LRRC37A2: variants seen among roughly 807,000 people sequenced by gnomAD.
LRRC37A2 encodes leucine rich repeat containing 37 member A2.
A neutral mutation model predicts 68.8 loss-of-function variants in LRRC37A2; 9 were observed. That is an observed-to-expected ratio of 0.13 (90% CI 0.08 to 0.23). The LOEUF is 0.23. Ranked by LOEUF, LRRC37A2 falls within the 10% of genes least tolerant of loss-of-function variation. LRRC37A2 has a pLI of 1.00. For missense variants in LRRC37A2, 168 were observed against 950.4 expected (o/e 0.18, Z 10.82); for synonymous variants, 63 against 367.6 (o/e 0.17, Z 9.48).
the LRRC37A2 span, chr17:46,938,850 T>C: frequency 6.3e-7 from 1 of 1,597,356 alleles, no homozygotes; most frequent in East Asian, 2.2e-5. Flanking sequence ...AGGCCGCCTT[T>C]TGAAATGTTT....
the LRRC37A2 span, among the ~76,000 whole-genome samples, chr17:46,883,555 G>C: frequency 1.2e-3 from 183 of 152,330 alleles, no homozygotes; most frequent in African/African-American, 4.2e-3. Flanking sequence ...AAAGTGCTGG[G>C]ATTACAGGCG....
the LRRC37A2 span, among the ~76,000 whole-genome samples, chr17:46,685,356 CA>C: frequency 6.0e-5 from 9 of 150,998 alleles, no homozygotes; most frequent in Non-Finnish European, 8.9e-5. Context: ...ATACCTTTCT[CA>C]CATCCAGAAA....
At chr17:46,789,727 C>T in the LRRC37A2 span, among the ~76,000 whole-genome samples, 1 of 152,208 alleles carries the variant, frequency 6.6e-6, no homozygotes, top group African/African-American at 2.4e-5. Flanking sequence ...ACTTTGAGGC[C>T]ACAGTGCACT....
chr17:46,392,535 CT>C, the LRRC37A2 span, among the ~76,000 whole-genome samples: 1 of 39,788 alleles, frequency 2.5e-5, no homozygotes, highest in Admixed American at 2.5e-4. Flanking sequence ...CTCTCTCTCT[CT>C]TCCTTTCTTC....
the LRRC37A2 span, among the ~76,000 whole-genome samples, chr17:46,921,451 G>T: frequency 2.0e-5 from 3 of 152,176 alleles, no homozygotes; most frequent in African/African-American, 7.2e-5. Context: ...AACACCAAAA[G>T]CAATGACAAC....
chr17:46,863,203 A>G, the LRRC37A2 span, among the ~76,000 whole-genome samples: 1 of 152,206 alleles, frequency 6.6e-6, no homozygotes, highest in Non-Finnish European at 1.5e-5. Flanking sequence ...GTGGGGCGTT[A>G]GGTGGTAGCC....
chr17:46,888,048 A>G, the LRRC37A2 span, among the ~76,000 whole-genome samples: 4 of 152,194 alleles, frequency 2.6e-5, no homozygotes, highest in African/African-American at 9.7e-5. Context: ...TTGCTTTTGA[A>G]TTCTGAACCA....
At chr17:46,753,065 G>A in the LRRC37A2 span, among the ~76,000 whole-genome samples, 3 of 152,202 alleles carry the variant, frequency 2.0e-5, no homozygotes, top group Non-Finnish European at 2.9e-5. Context: ...CACTGCGCCC[G>A]GCCAGTAAAC....
the LRRC37A2 span, among the ~76,000 whole-genome samples, chr17:46,893,897 C>T: frequency 2.0e-5 from 3 of 152,246 alleles, no homozygotes; most frequent in East Asian, 1.9e-4. Context: ...TTCAAGTGGG[C>T]GTGGAGGTGC....
At chr17:46,915,517 T>C in the LRRC37A2 span, among the ~76,000 whole-genome samples, 2 of 152,244 alleles carry the variant, frequency 1.3e-5, no homozygotes, top group Non-Finnish European at 2.9e-5. Context: ...CACCTCTCAA[T>C]GGTAGCAGTA....
At chr17:47,020,713 C>T in the LRRC37A2 span, among the ~76,000 whole-genome samples, 1 of 126,542 alleles carries the variant, frequency 7.9e-6, no homozygotes, top group Non-Finnish European at 1.6e-5. Context: ...ACCTGGGAGG[C>T]AGAGCTTGCA....
chr17:46,765,686 C>T, the LRRC37A2 span, among the ~76,000 whole-genome samples: 1 of 152,244 alleles, frequency 6.6e-6, no homozygotes. Context: ...CCCATTGCTC[C>T]AGAGCAGGCG....
At chr17:46,768,108 G>A in the LRRC37A2 span, among the ~76,000 whole-genome samples, 319 of 152,298 alleles carry the variant, frequency 2.1e-3, no homozygotes, top group African/African-American at 7.5e-3. The surrounding 1 kb of genome is among the most constrained non-coding windows in gnomAD (Gnocchi z 5.0). Flanking sequence ...TTTTATCTGT[G>A]CTTTGTGCAA....
the LRRC37A2 span, among the ~76,000 whole-genome samples, chr17:46,382,135 G>A: frequency 4.1e-5 from 6 of 148,136 alleles, no homozygotes; most frequent in South Asian, 2.3e-4. Context: ...AAAATTAGCC[G>A]GGCGTGGTGG....
chr17:46,923,277 T>C, the LRRC37A2 span: 32 of 1,550,146 alleles, frequency 2.1e-5, no homozygotes, highest in Middle Eastern at 5.0e-4. Context: ...CAGGTGAGCC[T>C]GGCTTCTGGG....
At chr17:46,768,961 T>C in the LRRC37A2 span, among the ~76,000 whole-genome samples, 1 of 152,152 alleles carries the variant, frequency 6.6e-6, no homozygotes, top group South Asian at 2.1e-4. The surrounding 1 kb of genome is among the most constrained non-coding windows in gnomAD (Gnocchi z 5.0). Context: ...TAAAGAATAG[T>C]GACCATGTTT....
the LRRC37A2 span, among the ~76,000 whole-genome samples, chr17:46,816,025 C>T: frequency 6.6e-6 from 1 of 152,156 alleles, no homozygotes; most frequent in African/African-American, 2.4e-5. Flanking sequence ...CAAGCACAAT[C>T]AGGTCATGGC....
chr17:46,917,338 T>C, the LRRC37A2 span: 1 of 152,222 alleles, frequency 6.6e-6, no homozygotes, highest in Non-Finnish European at 1.5e-5. Context: ...AGGATAGACA[T>C]TCCCATTCCA....
chr17:46,797,104 G>C, the LRRC37A2 span, among the ~76,000 whole-genome samples: 1 of 152,200 alleles, frequency 6.6e-6, no homozygotes, highest in Non-Finnish European at 1.5e-5. Context: ...TCTCAGTGCT[G>C]CAACTATGCT....
Sources: gnomAD v4.1 joint callset for allele counts (sites outside exome capture counted in the v4.1 genomes callset) on GRCh38, gnomAD v4.1.1 for gene constraint, Gnocchi (gnomAD v3.1) non-coding constraint, MANE v1.5 for transcripts, NCBI Gene and HGNC (gene_info 2026-07-23, HGNC 2026-07-21) for gene names.